The following HCN1 variants were observed in gnomAD, a reference collection of about 807,000 sequenced individuals.
HCN1 encodes potassium/sodium hyperpolarization-activated cyclic nucleotide-gated channel 1.
HCN1 carries 13 observed loss-of-function variants against 78.9 expected under a neutral mutation model. That is an observed-to-expected ratio of 0.16 (90% CI 0.11 to 0.26). The LOEUF (loss-of-function observed/expected upper bound fraction) is 0.26. Ranked by LOEUF, HCN1 falls within the 10% of genes least tolerant of loss-of-function variation. HCN1 has a pLI of 1.00. For missense variants in HCN1, 810 were observed against 1,154.3 expected (o/e 0.70, Z 4.32); for synonymous variants, 552 against 455.5 (o/e 1.21, Z -2.70).
At chr5:45,686,880 T>C (rs1342714849) in intron 1 of HCN1, among the ~76,000 whole-genome samples, 3 of 152,192 alleles carry the variant, frequency 2.0e-5, no homozygotes, top group African/African-American at 7.2e-5. Context: ...GACTTCAGGT[T>C]TCTCTGTGTT....
intron 1 of HCN1, among the ~76,000 whole-genome samples, chr5:45,654,750 T>A (rs1745735902): frequency 6.6e-6 from 1 of 152,180 alleles, no homozygotes; most frequent in Non-Finnish European, 1.5e-5. Flanking sequence ...ACTGATATAC[T>A]TTCATCTAAC....
At chr5:45,603,718 C>T (rs1227598091) in intron 2 of HCN1, among the ~76,000 whole-genome samples, 1 of 151,972 alleles carries the variant, frequency 6.6e-6, no homozygotes, top group Non-Finnish European at 1.5e-5. Flanking sequence ...TCATGCCCAA[C>T]AGAATAGCAT....
intron 4 of HCN1, among the ~76,000 whole-genome samples, chr5:45,372,245 T>TA (rs1561128202): frequency 8.2e-5 from 6 of 73,006 alleles, no homozygotes; most frequent in Non-Finnish European, 1.1e-4. Flanking sequence ...TTATATTTTA[T>TA]ATATAATATA....
At chr5:45,601,545 T>C (rs1002703788) in intron 2 of HCN1, among the ~76,000 whole-genome samples, 4 of 152,096 alleles carry the variant, frequency 2.6e-5, no homozygotes, top group Admixed American at 1.3e-4. Context: ...ATAAATCAGA[T>C]TGGAGTAAGG....
intron 2 of HCN1, chr5:45,575,085 G>A (rs1743912182): frequency 6.6e-6 from 1 of 152,138 alleles, no homozygotes; most frequent in African/African-American, 2.4e-5. Flanking sequence ...ATTCATGAAG[G>A]TGAACGAAGG....
chr5:45,548,850 T>C (rs1026541625), intron 2 of HCN1, among the ~76,000 whole-genome samples: 7 of 151,524 alleles, frequency 4.6e-5, no homozygotes, highest in Non-Finnish European at 7.4e-5. Flanking sequence ...TATACACCAA[T>C]AACAGACAAA....
At chr5:45,681,144 C>T (rs928130461) in intron 1 of HCN1, among the ~76,000 whole-genome samples, 2 of 152,114 alleles carry the variant, frequency 1.3e-5, no homozygotes, top group African/African-American at 4.8e-5. Context: ...CTGTTGGCTG[C>T]GTGGGAGTCT....
chr5:45,406,963 C>G (rs1217064519), intron 3 of HCN1, among the ~76,000 whole-genome samples: 1 of 152,120 alleles, frequency 6.6e-6, no homozygotes, highest in Non-Finnish European at 1.5e-5. Flanking sequence ...AGCCTGGGAT[C>G]AAGCAATCTA....
chr5:45,447,232 A>C (rs1466899210), intron 3 of HCN1, among the ~76,000 whole-genome samples: 1 of 152,158 alleles, frequency 6.6e-6, no homozygotes, highest in African/African-American at 2.4e-5. Flanking sequence ...CAGGGGTTGC[A>C]ATCCTAGTCT....
At chr5:45,516,503 T>C (rs750356183) in intron 2 of HCN1, among the ~76,000 whole-genome samples, 1 of 152,012 alleles carries the variant, frequency 6.6e-6, no homozygotes, top group Non-Finnish European at 1.5e-5. Context: ...AGATAGACAA[T>C]ATTCATAAAT....
intron 4 of HCN1, among the ~76,000 whole-genome samples, chr5:45,395,977 T>C (rs1194645333): frequency 1.3e-5 from 2 of 152,172 alleles, no homozygotes; most frequent in East Asian, 1.9e-4. Context: ...AGTTGTTATA[T>C]CCAGTTTTAA....
At chr5:45,444,353 A>ACT in intron 3 of HCN1, among the ~76,000 whole-genome samples, 1 of 152,298 alleles carries the variant, frequency 6.6e-6, no homozygotes, top group Middle Eastern at 3.4e-3. Context: ...CATTTCAAAG[A>ACT]AGTATCTACT....
At chr5:45,330,651 C>T (rs901972651) in intron 5 of HCN1, among the ~76,000 whole-genome samples, 2 of 150,820 alleles carry the variant, frequency 1.3e-5, no homozygotes, top group African/African-American at 4.8e-5. Context: ...TGTATCATGT[C>T]ACTTGTTTCC....
chr5:45,673,733 A>G (rs1277584786), intron 1 of HCN1, among the ~76,000 whole-genome samples: 4 of 151,632 alleles, frequency 2.6e-5, no homozygotes, highest in African/African-American at 9.7e-5. Flanking sequence ...TTCTATAGCT[A>G]CAATTAACTG....
At chr5:45,516,461 T>C (rs1742518277) in intron 2 of HCN1, among the ~76,000 whole-genome samples, 1 of 152,022 alleles carries the variant, frequency 6.6e-6, no homozygotes, top group African/African-American at 2.4e-5. Context: ...TTTCTTCTAG[T>C]CCTTTCAGTA....
At chr5:45,573,755 T>C (rs994774030) in intron 2 of HCN1, among the ~76,000 whole-genome samples, 1 of 152,262 alleles carries the variant, frequency 6.6e-6, no homozygotes, top group East Asian at 1.9e-4. Flanking sequence ...TGCTGACATT[T>C]GGCCTTGGGA....
At chr5:45,664,858 A>G (rs1476506060) in intron 1 of HCN1, among the ~76,000 whole-genome samples, 1 of 151,998 alleles carries the variant, frequency 6.6e-6, no homozygotes. Context: ...GTGGGACTGT[A>G]AACTAGTTCA....
intron 3 of HCN1, 113 bp downstream of exon 3, chr5:45,461,733 A>T: frequency 9.9e-7 from 1 of 1,012,562 alleles, no homozygotes; most frequent in Non-Finnish European, 1.5e-6. Context: ...AAGCAAAATC[A>T]AGTTGTCTGT....
chr5:45,417,126 T>C (rs1396263258), intron 3 of HCN1, among the ~76,000 whole-genome samples: 1 of 151,962 alleles, frequency 6.6e-6, no homozygotes, highest in African/African-American at 2.4e-5. Flanking sequence ...CTCAGTGCAG[T>C]GCCAGGCATG....
Sources: allele counts gnomAD v4.1 joint callset (sites outside exome capture counted in the v4.1 genomes callset), GRCh38; gene constraint gnomAD v4.1.1; transcripts MANE v1.5; gene names NCBI Gene and HGNC (gene_info 2026-07-23, HGNC 2026-07-21).